STX1A: variants seen among roughly 807,000 people sequenced by gnomAD.
STX1A encodes syntaxin 1A, also known as syntaxin-1A.
Under a neutral mutation model 37.8 loss-of-function variants are expected in STX1A, and 4 were observed. That is an observed-to-expected ratio of 0.11 (90% CI 0.05 to 0.24). STX1A has a LOEUF of 0.24. Ranked by LOEUF, STX1A falls within the 10% of genes least tolerant of loss-of-function variation. The pLI is 1.00. For missense variants in STX1A, 251 were observed against 399.9 expected, an observed-to-expected ratio of 0.63 and a Z score of 3.18; for synonymous variants, 135 against 147.4, an observed-to-expected ratio of 0.92 and a Z score of 0.61.
chr7:73,704,068 T>C (rs7807316), intron 6 of STX1A, 80 bp downstream of exon 6: 1,454,127 of 1,459,000 alleles, frequency 1, 724,714 homozygotes, highest in East Asian at 1. Flanking sequence ...GCAGCAGCCT[T>C]GAGCCACGCA....
At chr7:73,710,638 C>T (rs10232729) in intron 1 of STX1A, among the ~76,000 whole-genome samples, 92,609 of 151,936 alleles carry the variant, frequency 0.61, 28,495 homozygotes, top group Middle Eastern at 0.75. Context: ...TTGGCCAGGC[C>T]GGTCTCGAAC....
At chr7:73,719,546 G>A in intron 1 of STX1A, 56 bp downstream of exon 1, 1 of 1,199,926 alleles carries the variant, frequency 8.3e-7, no homozygotes, top group Non-Finnish European at 1.0e-6. Context: ...GGAAGTGTCC[G>A]GCGCGTTGGC....
chr7:73,704,050 C>T, intron 6 of STX1A, 98 bp downstream of exon 6: 1 of 1,385,640 alleles, frequency 7.2e-7, no homozygotes, highest in Non-Finnish European at 9.7e-7. Flanking sequence ...CCTCGGGCCC[C>T]TAACTAAGCA....
At chr7:73,711,640 A>G (rs1229246099) in intron 1 of STX1A, among the ~76,000 whole-genome samples, 1 of 152,036 alleles carries the variant, frequency 6.6e-6, no homozygotes, top group Non-Finnish European at 1.5e-5. Flanking sequence ...TGCCAGGAGG[A>G]GCCCAGTTCC....
Position 73,702,757 on chromosome 7 carries a change from G to C in STX1A, c.678+88C>G. On this transcript the variant is annotated intron_variant, in intron 8 of 9. Transcript: ENST00000222812. This position sits in a 1 kb window ranked among gnomAD's most constrained non-coding sequence, Gnocchi z 4.7. ...GAGAACTTGGTCCCTCCCCGGCAGG[G>C]CAGCGTGTCGGGCAGAAAGGGCGAG... 1 of 1,599,358 alleles carries C rather than the reference G, an allele frequency of 6.3e-7. No homozygotes were observed. The highest frequency in any genetic ancestry group is 8.5e-7 in the Non-Finnish European group (1 of 1,169,904).
chr7:73,702,686 C>A lies in STX1A; in HGVS notation c.678+159G>T. On this transcript the variant is annotated intron_variant, in intron 8 of 9. Transcript: ENST00000222812. The surrounding 1 kb of genome is among the most constrained non-coding windows in gnomAD (Gnocchi z 4.7). ...ATGCAGAGGACAGGGACCTTCGGGT[C>A]GGCAGGGCCCTGGCGGCAGTTTCAA... The A allele has an allele frequency of 6.7e-7, 1 of 1,492,382 alleles. No homozygotes were observed. The highest frequency in any genetic ancestry group is 9.0e-7 in the Non-Finnish European group (1 of 1,116,364). 92.4% of individuals were successfully genotyped at this position (1,492,382 alleles called of 1,614,324 possible). A position where few individuals can be genotyped will look rare whatever the true frequency, so the allele number is the denominator to read the frequency against.
At chr7:73,701,236 A>C (rs1584238453) in intron 8 of STX1A, 1 of 442,894 alleles carries the variant, frequency 2.3e-6, no homozygotes. Flanking sequence ...GCCTGCCCAC[A>C]CCCCCATCCT....
rs577989207 is a variant in STX1A at position 73,708,736 on chromosome 7, C to A, written c.109-48G>T. The A allele has an allele frequency of 3.2e-6, 5 of 1,583,194 alleles. No homozygotes were observed. The South Asian group carries it at 3.4e-5, about 11-fold the overall frequency. Reference sequence around the variant, plus strand: ...CAGGAGAAGGAAATCAGGGGAGAAGCCTTCTGGGGCCCAGAGATGGCCCAG... The same window carrying A: ...CAGGAGAAGGAAATCAGGGGAGAAGACTTCTGGGGCCCAGAGATGGCCCAG... On this transcript the variant is annotated intron_variant, in intron 2 of 9. Coordinates refer to ENST00000222812, the MANE Select transcript of STX1A (RefSeq NM_004603.4).
rs370302464 is a variant in STX1A at position 73,700,080 on chromosome 7, G to A, written c.*327C>T. ...GGGTCCCCAGGGAAGAGCAGAACCT[G>A]GGCCCACCGAGTTACTGAAGGCAAG... On this transcript the variant is annotated 3_prime_UTR_variant, in exon 10 of 10. Coordinates refer to ENST00000222812, the MANE Select transcript of STX1A (RefSeq NM_004603.4). The surrounding 1 kb of genome is among the most constrained non-coding windows in gnomAD (Gnocchi z 4.4). 12 of 435,934 alleles carry A rather than the reference G, an allele frequency of 2.8e-5. No homozygotes were observed. Among genetic ancestry groups the A allele is most frequent in the African/African-American group, 2.2e-4 (11 of 50,060 alleles). The allele number at this position is 435,934 out of a possible 1,614,324, so 27.0% of individuals were successfully genotyped here.
intron 1 of STX1A, 75 bp downstream of exon 1, chr7:73,719,527 A>C: frequency 8.5e-7 from 1 of 1,175,194 alleles, no homozygotes; most frequent in Non-Finnish European, 1.1e-6. Flanking sequence ...TGGCCGCGGG[A>C]GCCGGGCGGG....
At position 73,705,165 on chromosome 7, in the gene STX1A, G is replaced by A. The variant is rs1192968907; in HGVS notation, c.268C>T (p.Arg90Cys). The change falls in exon 4 of 10, where the codon CGT (arginine) becomes TGT (cysteine). Residue 90 changes from arginine (R) to cysteine (C), a missense_variant. Physicochemically the swap from Arg to Cys is radical, Grantham distance 180. This residue lies in a region of STX1A where 214 missense variants were observed against 367.6 expected (regional missense o/e 0.58). Transcript: ENST00000222812. The surrounding 1 kb of genome is among the most constrained non-coding windows in gnomAD (Gnocchi z 5.2). ...CCTGACTCACTCTTTAACTTGGAAC[G>A]AACTTTGTTTGCTGTCTTCTTTATG... is the stretch of plus-strand genomic sequence containing the variant. Reference protein sequence around the residue: ...SDIKKTANKVRSKLKSIEQSI... With the variant: ...SDIKKTANKVCSKLKSIEQSI... 1.2e-6 allele frequency: 2 copies of A among 1,613,884 alleles called. No individual in the cohort carries two copies. The highest frequency in any genetic ancestry group is 8.5e-7 in the Non-Finnish European group (1 of 1,179,864).
At position 73,709,150 on chromosome 7, in the gene STX1A, G is replaced by A; in HGVS notation, c.31-28C>T. The A allele has an allele frequency of 6.2e-7, 1 of 1,607,434 alleles. No individual in the cohort carries two copies. Among genetic ancestry groups the A allele is most frequent in the Non-Finnish European group, 8.5e-7 (1 of 1,178,558 alleles). ...GTGCGGGGTTGTGCACACATAAGTG[G>A]ACGTATGTACAGGACCCACCTGTAC... On this transcript the variant is annotated intron_variant, in intron 1 of 9. Transcript: ENST00000222812. This position sits in a 1 kb window ranked among gnomAD's most constrained non-coding sequence, Gnocchi z 4.2.
Position 73,700,571 on chromosome 7 carries a change from C to T in STX1A, c.790-87G>A, listed in dbSNP as rs564609861. 3.9e-5 allele frequency: 58 copies of T among 1,504,062 alleles called. No individual in the cohort carries two copies. Among genetic ancestry groups the T allele is most frequent in the Admixed American group, 9.8e-5 (5 of 51,208 alleles). The allele number at this position is 1,504,062 out of a possible 1,614,324, so 93.2% of individuals were successfully genotyped here. On this transcript the variant is annotated intron_variant, in intron 9 of 9. Coordinates refer to ENST00000222812, the MANE Select transcript of STX1A (RefSeq NM_004603.4). This position sits in a 1 kb window ranked among gnomAD's most constrained non-coding sequence, Gnocchi z 4.4. ...TGGCAAAGGCTGAGGACTGGACAGT[C>T]GGGGGGGATCCAAGCAGGGGAAGGT...
At chr7:73,703,922 C>A in intron 6 of STX1A, 94 bp from the exon 7 acceptor site, 1 of 1,410,258 alleles carries the variant, frequency 7.1e-7, no homozygotes, top group South Asian at 1.4e-5. Flanking sequence ...GCCCGGGCTC[C>A]CCCCAGCCCC....
chr7:73,710,324 GTC>G (rs1799054087), intron 1 of STX1A, among the ~76,000 whole-genome samples: 1 of 152,278 alleles, frequency 6.6e-6, no homozygotes, highest in African/African-American at 2.4e-5. Context: ...GCAAGGCCAG[GTC>G]TCTCTCTGCA....
In STX1A at chr7:73,699,571, A is replaced by G. The variant is rs535483108; in HGVS notation, c.*836T>C. ...ACCCACGTGGCACATCGATGGGAGG[A>G]TGGCAAGGGCAGGATGAGACTGCAG... On this transcript the variant is annotated 3_prime_UTR_variant, in exon 10 of 10. Transcript: ENST00000222812. The G allele has an allele frequency of 6.5e-6, 1 of 152,764 alleles. No individual in the cohort carries two copies. Among genetic ancestry groups the G allele is most frequent in the East Asian group, 1.9e-4 (1 of 5,162 alleles). 9.5% of individuals were successfully genotyped at this position (152,764 alleles called of 1,614,324 possible).
chr7:73,703,596 C>G (rs1798748863), intron 7 of STX1A, 159 bp downstream of exon 7: 1 of 885,320 alleles, frequency 1.1e-6, no homozygotes, highest in South Asian at 1.4e-5. Context: ...TTTATGTGAC[C>G]TCAGCCTGGT....
intron 3 of STX1A, 23 bp downstream of exon 3, chr7:73,708,566 C>G: frequency 6.2e-7 from 1 of 1,605,310 alleles, no homozygotes; most frequent in Admixed American, 1.7e-5. Context: ...GCCTGAAACC[C>G]GTCCCCCGCC....
chr7:73,701,285 G>T (rs1336039711), intron 8 of STX1A: 31 of 310,954 alleles, frequency 1.0e-4, no homozygotes, highest in Admixed American at 8.0e-4. Context: ...CTGCTGTCTG[G>T]GGTCTTCAGT....
Sources: gnomAD v4.1 joint callset for allele counts (sites outside exome capture counted in the v4.1 genomes callset) on GRCh38, gnomAD v4.1.1 for gene constraint, gnomAD v4.1.1 regional missense constraint, Gnocchi (gnomAD v3.1) non-coding constraint, MANE v1.5 for transcripts, NCBI Gene and HGNC (gene_info 2026-07-23, HGNC 2026-07-21) for gene names.